Variants in ITFG2 observed in about 807,000 individuals in gnomAD.
ITFG2 encodes KICSTOR complex protein ITFG2.
Under a neutral mutation model 54.4 loss-of-function variants are expected in ITFG2, and 36 were observed. The ratio of observed to expected loss-of-function variants is 0.66; its 90% CI spans 0.51 to 0.87. The LOEUF (loss-of-function observed/expected upper bound fraction) is 0.87, where lower values mean the gene tolerates loss of function less well. ITFG2 is among the 40% of genes least tolerant of loss of function. The probability of loss-of-function intolerance (pLI) is 0.00; values close to 1 mark genes in which losing one functional copy is unlikely to be tolerated. For missense variants in ITFG2, 524 were observed against 576.7 expected (o/e 0.91, Z 0.94); for synonymous variants, 211 against 225.4 (o/e 0.94, Z 0.57).
At chr12:2,827,804 G>A (rs538564590), downstream of ITFG2, 2,743 of 1,603,170 alleles carry the variant, frequency 1.7e-3, 7 homozygotes, top group Non-Finnish European at 2.2e-3. This position sits in a 1 kb window ranked among gnomAD's most constrained non-coding sequence, Gnocchi z 4.0. Context: ...ACAGAGATGG[G>A]GGATAGTCAG....
chr12:2,842,563 T>C (rs918606337), intron 2 of ITFG2, among the ~76,000 whole-genome samples: 5 of 151,926 alleles, frequency 3.3e-5, no homozygotes, highest in Admixed American at 6.6e-5. Context: ...TAGTGAGAGC[T>C]CGTCGCTACA....
chr12:2,830,381 T>C (rs1341897892), intron 2 of ITFG2: 1 of 211,984 alleles, frequency 4.7e-6, no homozygotes, highest in Admixed American at 5.9e-5. Context: ...TTAGAACACA[T>C]GAGTTTTTTC....
chr12:2,854,341 G>A (rs1244385726), intron 2 of ITFG2, among the ~76,000 whole-genome samples: 8 of 152,180 alleles, frequency 5.3e-5, no homozygotes, highest in Admixed American at 1.3e-4. Context: ...TCTAACTTTT[G>A]TTCAGTTCTT....
At chr12:2,840,202 A>C (rs973798610) in intron 1 of ITFG2, among the ~76,000 whole-genome samples, 2 of 152,042 alleles carry the variant, frequency 1.3e-5, no homozygotes, top group Non-Finnish European at 2.9e-5. Context: ...TAATTCCAGC[A>C]CTTTGGGAGG....
intron 3 of ITFG2, chr12:2,858,603 G>A: frequency 6.3e-7 from 1 of 1,586,470 alleles, no homozygotes; most frequent in Non-Finnish European, 8.6e-7. Context: ...GCCCGGGATG[G>A]TGGACAGCTT....
downstream of ITFG2, among the ~76,000 whole-genome samples, chr12:2,828,840 C>T (rs1344248533): frequency 6.6e-6 from 1 of 151,922 alleles, no homozygotes; most frequent in Non-Finnish European, 1.5e-5. Context: ...AAAACTCTGT[C>T]TCAAAACAAA....
chr12:2,848,343 C>T (rs2098058966), intron 2 of ITFG2, among the ~76,000 whole-genome samples: 1 of 152,210 alleles, frequency 6.6e-6, no homozygotes, highest in Admixed American at 6.5e-5. Context: ...CCCTCCCCAA[C>T]CATCTCCACC....
Position 2,812,808 on chromosome 12 carries a change from G to A in ITFG2, c.48G>A (p.Gly16=), listed in dbSNP as rs1360522515. ...YVQRVALEFS[G]SLFPHAICLG... ...AGCGCGTGGCGCTGGAGTTCAGCGG[G>A]AGCCTCTTCCCGCACGCAATCTGCC... The change falls in exon 1 of 12, where the codon GGG becomes GGA. Residue 16 remains glycine, a synonymous_variant. Coordinates refer to ENST00000228799, the MANE Select transcript of ITFG2 (RefSeq NM_018463.4). The A allele has an allele frequency of 6.2e-7, 1 of 1,613,306 alleles. No individual in the cohort carries two copies. Among genetic ancestry groups the A allele is most frequent in the Non-Finnish European group, 8.5e-7 (1 of 1,179,374 alleles).
intron 1 of ITFG2, among the ~76,000 whole-genome samples, chr12:2,816,908 A>G (rs1199931168): frequency 6.6e-6 from 1 of 151,824 alleles, no homozygotes; most frequent in African/African-American, 2.4e-5. Flanking sequence ...CACCTCCCAA[A>G]GTGCTGGGAT....
At chr12:2,859,744 CTT>C (rs1355802038) in exon 4 of ITFG2, 2 of 1,045,026 alleles carry the variant, frequency 1.9e-6, no homozygotes, top group Non-Finnish European at 1.4e-6. Flanking sequence ...TTCTGATCCT[CTT>C]TGTGTCGTTT....
At chr12:2,847,130 GC>G (rs2098055265) in intron 2 of ITFG2, among the ~76,000 whole-genome samples, 1 of 152,046 alleles carries the variant, frequency 6.6e-6, no homozygotes, top group South Asian at 2.1e-4. Flanking sequence ...TTTGTGTCTG[GC>G]TTTTTTCATT....
At chr12:2,852,369 G>GT (rs71441694) in intron 2 of ITFG2, among the ~76,000 whole-genome samples, 6,690 of 149,654 alleles carry the variant, frequency 0.045, 258 homozygotes, top group East Asian at 0.19. Context: ...TGTGGGAACT[G>GT]TTTTTTTTTT....
chr12:2,845,377 C>T lies in ITFG2; in HGVS notation n.300+4382C>T, dbSNP rs900749471. Among the ~76,000 whole-genome samples the T allele has an allele frequency of 5.9e-5, 9 of 152,072 alleles. No homozygotes were observed. The highest frequency in any genetic ancestry group is 2.2e-4 in the African/African-American group (9 of 41,406). On this transcript the variant is annotated intron_variant and non_coding_transcript_variant, in intron 2 of 3. Coordinates refer to the ITFG2 transcript ENST00000537710. This position sits in a 1 kb window ranked among gnomAD's most constrained non-coding sequence, Gnocchi z 4.2. Reference sequence around the variant, plus strand: ...AGGGCATGACTGGCAACGTGGGTGGCCCTGTATGGTCCCCCAGGGGTTCCC... The same window carrying T: ...AGGGCATGACTGGCAACGTGGGTGGTCCTGTATGGTCCCCCAGGGGTTCCC...
chr12:2,821,700 A>C lies in ITFG2; in HGVS notation c.856A>C (p.Lys286Gln), dbSNP rs2097945393. 1 of 1,613,976 alleles carries C rather than the reference A, an allele frequency of 6.2e-7. No homozygotes were observed. The highest frequency in any genetic ancestry group is 8.5e-7 in the Non-Finnish European group (1 of 1,179,992). ...FALCTLDGTL[K>Q]LMEEMEEADK... ...TGCCTCTCCCCCGGCAGGGACACTGAAGCTCATGGAAGAAATGGAAGAAGC... is the reference window on the plus strand; with the variant it reads ...TGCCTCTCCCCCGGCAGGGACACTGCAGCTCATGGAAGAAATGGAAGAAGC... Residue 286 changes from lysine (K) to glutamine (Q), a missense_variant, in exon 9 of 12, where the codon AAG becomes CAG. Transcript: ENST00000228799.
intron 2 of ITFG2, among the ~76,000 whole-genome samples, chr12:2,854,082 A>G (rs778994807): frequency 2.6e-5 from 4 of 152,126 alleles, no homozygotes; most frequent in African/African-American, 4.8e-5. Flanking sequence ...CTGGAGTGCA[A>G]TGGCACCATC....
intron 2 of ITFG2, among the ~76,000 whole-genome samples, chr12:2,842,120 C>CTTTTTTTTTTTTTTTTTTTTTTTTTTTT (rs71057841): frequency 2.8e-5 from 3 of 108,718 alleles, no homozygotes; most frequent in African/African-American, 3.7e-5. Context: ...TCACTTGTTT[C>CTTTTTTTTTTTTTTTTTTTTTTTTTTTT]TTTTTTTTTT....
At chr12:2,842,550 A>C (rs965816846) in intron 2 of ITFG2, among the ~76,000 whole-genome samples, 1 of 152,126 alleles carries the variant, frequency 6.6e-6, no homozygotes, top group East Asian at 1.9e-4. Context: ...AGTGTGGGCA[A>C]CATAGTGAGA....
intron 1 of ITFG2, among the ~76,000 whole-genome samples, chr12:2,837,332 G>T (rs928389794): frequency 3.9e-5 from 6 of 152,318 alleles, no homozygotes; most frequent in South Asian, 4.1e-4. Flanking sequence ...AAAAAAATTA[G>T]CCGGGCGCGG....
chr12:2,832,940 G>A (rs2098010843), upstream of ITFG2, among the ~76,000 whole-genome samples: 2 of 151,766 alleles, frequency 1.3e-5, no homozygotes, highest in Non-Finnish European at 2.9e-5. Context: ...AGCGAGCTCT[G>A]GGATTGGCTG....
Sources: allele counts gnomAD v4.1 joint callset (sites outside exome capture counted in the v4.1 genomes callset), GRCh38; gene constraint gnomAD v4.1.1; non-coding constraint Gnocchi (gnomAD v3.1); transcripts MANE v1.5; gene names NCBI Gene and HGNC (gene_info 2026-07-23, HGNC 2026-07-21).